The following SLC35A2 variants were observed in gnomAD, a reference collection of about 807,000 sequenced individuals.
The protein encoded by SLC35A2 is UDP-galactose translocator.
Under a neutral mutation model 17.3 loss-of-function variants are expected in SLC35A2, and 1 was observed. The ratio of observed to expected loss-of-function variants is 0.06; its 90% confidence interval spans 0.02 to 0.27. The LOEUF (loss-of-function observed/expected upper bound fraction) is 0.27, where lower values mean the gene tolerates loss of function less well. SLC35A2 is among the 10% of genes least tolerant of loss of function. The probability of loss-of-function intolerance (pLI) is 1.00; values close to 1 mark genes in which losing one functional copy is unlikely to be tolerated. For synonymous variants in SLC35A2, 161 were observed against 161.3 expected, an observed-to-expected ratio of 1.00 and a Z score of 0.01; for missense variants, 191 against 339.3, an observed-to-expected ratio of 0.56 and a Z score of 3.43.
At chrX:48,904,098 A>G in intron 4 of SLC35A2, 1 of 766,054 alleles carries the variant, frequency 1.3e-6, no homozygotes, top group Non-Finnish European at 1.5e-6. Flanking sequence ...GGCCCCTACC[A>G]CACCTTCTGC....
At position 48,903,328 on chromosome X, in the gene SLC35A2, A is replaced by T. The variant is rs2063457036; in HGVS notation, c.*110T>A. On this transcript the variant is annotated 3_prime_UTR_variant, in exon 5 of 5. Transcript: ENST00000247138. ...TGGGGCAGGGGTGGTGGGGACAGGG[A>T]GTCCAGTGTCTACCTCACTCTACCC... The T allele has an allele frequency of 1.7e-6, 1 of 585,083 alleles. No homozygotes were observed. The highest frequency in any genetic ancestry group is 3.4e-5 in the East Asian group (1 of 29,512). The allele number at this position is 585,083 out of a possible 1,213,427, so 48.2% of individuals were successfully genotyped here.
rs1266468278 is a variant in SLC35A2, at chrX:48,903,342, C to T, written c.*96G>A. 2 of 573,825 alleles carry T rather than the reference C, an allele frequency of 3.5e-6. No individual in the cohort carries two copies. The highest frequency in any genetic ancestry group is 2.2e-5 in the African/African-American group (1 of 44,713). The allele number at this position is 573,825 out of a possible 1,213,427, so 47.3% of individuals were successfully genotyped here. A position where few individuals can be genotyped will look rare whatever the true frequency, so the allele number is the denominator to read the frequency against. On this transcript the variant is annotated 3_prime_UTR_variant, in exon 5 of 5. Coordinates refer to ENST00000247138, the MANE Select transcript of SLC35A2 (RefSeq NM_005660.3). ...TGGGGACAGGGAGTCCAGTGTCTAC[C>T]TCACTCTACCCCTAATACTGATCAG...
intron 4 of SLC35A2, chrX:48,904,174 T>G (rs1463220384): frequency 3.6e-5 from 28 of 783,986 alleles, no homozygotes; most frequent in Non-Finnish European, 4.2e-5. Context: ...AAGAAGCCCA[T>G]CTTCAAGGTA....
At chrX:48,904,535 T>C (rs2063471023) in intron 4 of SLC35A2, 5 of 1,158,336 alleles carry the variant, frequency 4.3e-6, no homozygotes, top group Non-Finnish European at 5.8e-6. Context: ...GGGGTCACCC[T>C]ACCAGGAAGG....
At chrX:48,906,066 T>C in intron 3 of SLC35A2, 1 of 402,248 alleles carries the variant, frequency 2.5e-6, no homozygotes, top group Non-Finnish European at 4.3e-6. Context: ...AGCTGAGATT[T>C]GAACCCAGAC....
At position 48,911,621 on chromosome X, in the gene SLC35A2, C is replaced by T. The variant is rs1557044117; in HGVS notation, c.16G>A (p.Ala6Thr). 1.7e-6 allele frequency: 2 copies of T among 1,163,528 alleles called. No homozygotes were observed. The highest frequency in any genetic ancestry group is 2.3e-6 in the Non-Finnish European group (2 of 874,032). The change falls in exon 1 of 5, where the codon GCT (alanine) becomes ACT (threonine). Residue 6 changes from alanine (A) to threonine (T), a missense_variant. Ala to Thr is a moderately conservative substitution (Grantham distance 58, BLOSUM62 0). Around this residue, in one of 2 missense-constraint regions of SLC35A2, gnomAD observed 27 missense variants for 24.0 expected, o/e 1.12. Coordinates refer to ENST00000247138, the MANE Select transcript of SLC35A2 (RefSeq NM_005660.3). MAAVG[A>T]GGSTAAPGPG... ...CCGGGCGCCGCGGTGGAACCACCAGCCCCAACCGCTGCCATGTTGGCATCT... is the reference window on the plus strand; with the variant it reads ...CCGGGCGCCGCGGTGGAACCACCAGTCCCAACCGCTGCCATGTTGGCATCT...
intron 2 of SLC35A2, among the ~76,000 whole-genome samples, chrX:48,907,152 G>A (rs1174712694): frequency 3.0e-4 from 30 of 100,231 alleles, no homozygotes; most frequent in African/African-American, 1.0e-3. Flanking sequence ...CTGGGCAACA[G>A]AGTGAGACTC....
chrX:48,911,365 C>T (rs782626494), intron 1 of SLC35A2, 181 bp downstream of exon 1: 9 of 586,013 alleles, frequency 1.5e-5, no homozygotes, highest in African/African-American at 2.2e-5. Context: ...CGGAAGGATC[C>T]CACAATCACT....
At position 48,910,016 on chromosome X, in the gene SLC35A2, C is replaced by T. The variant is rs1569511602; in HGVS notation, c.92-20G>A. Reference sequence around the variant, plus strand: ...TGTGAGCTGTGGGGAACGGAAGGGGCAAGGGGGAAGGACGGGGTCAGAAGC... The same window carrying T: ...TGTGAGCTGTGGGGAACGGAAGGGGTAAGGGGGAAGGACGGGGTCAGAAGC... On this transcript the variant is annotated intron_variant, in intron 1 of 4. Transcript: ENST00000247138. 8.4e-7 allele frequency: 1 copy of T among 1,186,137 alleles called. No homozygotes were observed. Among genetic ancestry groups the T allele is most frequent in the Non-Finnish European group, 1.1e-6 (1 of 877,416 alleles).
In SLC35A2 at chrX:48,907,742, C is replaced by T. The variant is rs782180479; in HGVS notation, c.275-1199G>A. Among the ~76,000 whole-genome samples the T allele has an allele frequency of 5.4e-5, 6 of 112,140 alleles. 1 individual carries two copies. Among genetic ancestry groups the T allele is most frequent in the African/African-American group, 1.9e-4 (6 of 30,942 alleles). ...CTCCAGTGAAAACATGATAATCGGG[C>T]TGGGCGCAGTGGCTCACGCCTGTAA... On this transcript the variant is annotated intron_variant, in intron 2 of 4. Coordinates refer to ENST00000247138, the MANE Select transcript of SLC35A2 (RefSeq NM_005660.3).
rs181834395 is a variant in SLC35A2 at position 48,911,351 on chromosome X, T to C, written c.91+195A>G. On this transcript the variant is annotated intron_variant, in intron 1 of 4. Coordinates refer to ENST00000247138, the MANE Select transcript of SLC35A2 (RefSeq NM_005660.3). The stretch of plus-strand genomic sequence containing the variant: ...CACTCACAATGGTCTCTACTCTCCA[T>C]ATGCGGAAGGATCCCACAATCACTC... 1.6e-3 allele frequency: 844 copies of C among 544,335 alleles called. 4 individuals are homozygous for C. The highest frequency in any genetic ancestry group is 8.6e-4 in the Non-Finnish European group (280 of 324,823). The allele number at this position is 544,335 out of a possible 1,213,427, so 44.9% of individuals were successfully genotyped here.
chrX:48,904,799 T>C lies in SLC35A2; in HGVS notation c.1110A>G (p.Pro370=), dbSNP rs782273947. ...CTCCACGGTGGGAAGACAGCTGCGG[T>C]GGTGGTGGCTGCCCGGGAGGCTGCT... The part of the protein sequence containing the change: ...VHQQPPGQPP[P]PQLSSHRGDL... The change falls in exon 4 of 5, where the codon CCA becomes CCG. Residue 370 remains proline (P), a synonymous_variant. Transcript: ENST00000247138. 17 of 1,208,207 alleles carry C rather than the reference T, an allele frequency of 1.4e-5. No homozygotes were observed. The highest frequency in any genetic ancestry group is 1.1e-4 in the Admixed American group (5 of 45,652).
chrX:48,903,215 C>T lies in SLC35A2; in HGVS notation c.*223G>A. 3 of 1,077,757 alleles carry T rather than the reference C, an allele frequency of 2.8e-6. No individual in the cohort carries two copies. The highest frequency in any genetic ancestry group is 3.8e-6 in the Non-Finnish European group (3 of 792,810). The allele number at this position is 1,077,757 out of a possible 1,213,427, so 88.8% of individuals were successfully genotyped here. ...ACACAACACATTTTATTTGCAAAAA[C>T]TCAGCTAAGAGATAGTGTGGAGCTG... On this transcript the variant is annotated 3_prime_UTR_variant, in exon 5 of 5. Coordinates refer to ENST00000247138, the MANE Select transcript of SLC35A2 (RefSeq NM_005660.3).
rs782095122 is a variant in SLC35A2 at position 48,905,371 on chromosome X, C to T, written c.538G>A (p.Ala180Thr). The T allele has an allele frequency of 1.2e-5, 14 of 1,192,482 alleles. No homozygotes were observed. The highest frequency in any genetic ancestry group is 7.2e-5 in the Admixed American group (3 of 41,910). ...ASLLLLFTGVAIVQAQQAGGG... is the reference protein window; with the variant it reads ...ASLLLLFTGVTIVQAQQAGGG... ...CCGGCTTGCTGTGCCTGGACAATGG[C>T]GACGCCAGTGAAGAGGAGCAGCAGG... Residue 180 changes from alanine (A) to threonine (T), a missense_variant, in exon 4 of 5, where the codon GCC (alanine) becomes ACC (threonine). By Grantham distance (58) the Ala-to-Thr change is moderately conservative. This residue lies in a region of SLC35A2 where 164 missense variants were observed against 315.3 expected (regional missense o/e 0.52). Coordinates refer to ENST00000247138, the MANE Select transcript of SLC35A2 (RefSeq NM_005660.3).
chrX:48,911,797 C>T (rs1557044187), upstream of SLC35A2: 1 of 1,166,371 alleles, frequency 8.6e-7, no homozygotes, highest in African/African-American at 1.8e-5. Context: ...ATGAATAGCC[C>T]CGGGATTTCC....
intron 1 of SLC35A2, chrX:48,910,454 G>A (rs1245238206): frequency 1.4e-5 from 6 of 436,353 alleles, no homozygotes; most frequent in Non-Finnish European, 2.3e-5. Flanking sequence ...AGAACTGCGA[G>A]GATTCCCATT....
chrX:48,906,361 C>T (rs782396941), intron 3 of SLC35A2, 31 bp downstream of exon 3: 1 of 1,197,442 alleles, frequency 8.4e-7, no homozygotes, highest in Non-Finnish European at 1.1e-6. Context: ...CCAGTTAGTT[C>T]CTCTGGGGCC....
At chrX:48,908,404 C>T (rs1471210782) in intron 2 of SLC35A2, among the ~76,000 whole-genome samples, 1 of 111,212 alleles carries the variant, frequency 9.0e-6, no homozygotes, top group African/African-American at 3.3e-5. Context: ...ACGTGAGCAA[C>T]CACGCCCAGC....
At chrX:48,905,893 A>G (rs1289746052) in intron 3 of SLC35A2, 1 of 266,774 alleles carries the variant, frequency 3.7e-6, no homozygotes, top group Non-Finnish European at 6.6e-6. Context: ...TGCTTACAAT[A>G]TATCAGTGTG....
Sources: allele counts gnomAD v4.1 joint callset (sites outside exome capture counted in the v4.1 genomes callset), GRCh38; gene constraint gnomAD v4.1.1; regional missense constraint gnomAD v4.1.1; transcripts MANE v1.5; gene names NCBI Gene and HGNC (gene_info 2026-07-23, HGNC 2026-07-21).